The following PCDH7 variants were observed in gnomAD, a reference collection of about 807,000 sequenced individuals.
PCDH7 encodes the protein protocadherin 7.
Under a neutral mutation model 58.9 loss-of-function variants are expected in PCDH7, and 17 were observed. That is an observed-to-expected ratio of 0.29 (90% CI 0.20 to 0.43). PCDH7 has a LOEUF of 0.43. PCDH7 is among the 20% of genes least tolerant of loss of function. The probability of loss-of-function intolerance (pLI) is 1.00; values close to 1 mark genes in which losing one functional copy is unlikely to be tolerated. For synonymous variants in PCDH7, 664 were observed against 616.4 expected, an observed-to-expected ratio of 1.08 and a Z score of -1.14; for missense variants, 1,274 against 1,441.0, an observed-to-expected ratio of 0.88 and a Z score of 1.88.
At chr4:30,803,760 T>C (rs1193289010) in intron 1 of PCDH7, among the ~76,000 whole-genome samples, 2 of 152,196 alleles carry the variant, frequency 1.3e-5, no homozygotes, top group Admixed American at 1.3e-4. Context: ...ACTGATGTAG[T>C]ACTGTGGATG....
At chr4:30,819,574 C>T (rs533791186) in intron 1 of PCDH7, among the ~76,000 whole-genome samples, 1 of 152,172 alleles carries the variant, frequency 6.6e-6, no homozygotes, top group South Asian at 2.1e-4. Context: ...AATGATTCAT[C>T]TTCAGATTGT....
At chr4:30,743,124 G>A (rs1717298186) in intron 1 of PCDH7, among the ~76,000 whole-genome samples, 1 of 151,792 alleles carries the variant, frequency 6.6e-6, no homozygotes, top group Non-Finnish European at 1.5e-5. Flanking sequence ...AAGATGGTGG[G>A]AAATATAAAC....
chr4:31,072,601 G>T (rs966381536), intron 3 of PCDH7, among the ~76,000 whole-genome samples: 1 of 152,074 alleles, frequency 6.6e-6, no homozygotes, highest in African/African-American at 2.4e-5. Context: ...GTGGAAGGGG[G>T]CAACTTTAAG....
intron 3 of PCDH7, among the ~76,000 whole-genome samples, chr4:31,114,493 A>T (rs1716743467): frequency 1.3e-5 from 2 of 152,160 alleles, no homozygotes; most frequent in African/African-American, 4.8e-5. Flanking sequence ...ATCTGCATTC[A>T]AAATACTTTT....
rs1391968080 is a variant in PCDH7 at position 30,901,325 on chromosome 4, A to T, written c.71-18828A>T. ...GAGAGAGGAATAAGTATATATACCA[A>T]TCCTACTTAGTTTATAAATCATATG... On this transcript the variant is annotated intron_variant, in intron 1 of 3. Transcript: ENST00000509759. 2.0e-5 allele frequency among the ~76,000 whole-genome samples: 3 copies of T among 152,244 alleles called. No homozygotes were observed. The East Asian group carries it at 5.8e-4, about 29-fold the overall frequency.
chr4:30,880,247 G>T (rs1195465456), intron 1 of PCDH7, among the ~76,000 whole-genome samples: 1 of 150,968 alleles, frequency 6.6e-6, no homozygotes, highest in Non-Finnish European at 1.5e-5. Flanking sequence ...AGGTGTAAGT[G>T]GTCATTATCC....
intron 3 of PCDH7, among the ~76,000 whole-genome samples, chr4:31,115,092 A>T (rs1716833974): frequency 6.6e-6 from 1 of 152,068 alleles, no homozygotes; most frequent in African/African-American, 2.4e-5. Flanking sequence ...TCCCTCCTCC[A>T]CTTTCGCTTA....
At chr4:30,771,444 A>T (rs1367383747) in intron 1 of PCDH7, among the ~76,000 whole-genome samples, 1 of 152,194 alleles carries the variant, frequency 6.6e-6, no homozygotes, top group Non-Finnish European at 1.5e-5. Flanking sequence ...TCTGGGTACC[A>T]TAATGCAGTC....
At chr4:31,016,726 C>G (rs77104428) in intron 3 of PCDH7, among the ~76,000 whole-genome samples, 236 of 152,210 alleles carry the variant, frequency 1.6e-3, no homozygotes, top group African/African-American at 5.4e-3. Flanking sequence ...TGAAAAGACT[C>G]TTACATGAGC....
At chr4:30,814,478 G>C (rs1325042261) in intron 1 of PCDH7, among the ~76,000 whole-genome samples, 1 of 151,852 alleles carries the variant, frequency 6.6e-6, no homozygotes, top group Non-Finnish European at 1.5e-5. Context: ...ATGCAGTATT[G>C]CCTCTTTTAT....
intron 3 of PCDH7, among the ~76,000 whole-genome samples, chr4:31,056,146 A>C (rs1757144940): frequency 6.6e-6 from 1 of 151,956 alleles, no homozygotes; most frequent in African/African-American, 2.4e-5. Flanking sequence ...AGGCAGAAGG[A>C]TCATTTGAGC....
intron 3 of PCDH7, among the ~76,000 whole-genome samples, chr4:31,126,127 T>C (rs1471269994): frequency 9.8e-6 from 1 of 101,716 alleles, no homozygotes; most frequent in Non-Finnish European, 1.9e-5. Flanking sequence ...ATATCCTTTC[T>C]TTTTTTTTTT....
At chr4:30,769,578 T>C (rs1721150586) in intron 1 of PCDH7, among the ~76,000 whole-genome samples, 1 of 152,220 alleles carries the variant, frequency 6.6e-6, no homozygotes, top group Non-Finnish European at 1.5e-5. Context: ...GTTACTGTTT[T>C]AAGATACACT....
At chr4:31,106,934 T>A (rs1326490385) in intron 3 of PCDH7, among the ~76,000 whole-genome samples, 3 of 152,244 alleles carry the variant, frequency 2.0e-5, no homozygotes, top group Non-Finnish European at 4.4e-5. Flanking sequence ...TAATCCATTA[T>A]GGTTTTCTAA....
At chr4:31,016,396 CTTT>C (rs35635325) in intron 3 of PCDH7, among the ~76,000 whole-genome samples, 6 of 128,006 alleles carry the variant, frequency 4.7e-5, no homozygotes, top group Admixed American at 7.9e-5. Flanking sequence ...AAAGACAGAT[CTTT>C]TTTTTTTTTT....
intron 1 of PCDH7, among the ~76,000 whole-genome samples, chr4:30,862,404 A>G (rs1734318988): frequency 6.6e-6 from 1 of 152,162 alleles, no homozygotes; most frequent in Non-Finnish European, 1.5e-5. Context: ...GTCTACATCC[A>G]CAATGTAGAA....
chr4:30,944,505 A>G (rs1262704658), intron 2 of PCDH7, among the ~76,000 whole-genome samples: 1 of 152,174 alleles, frequency 6.6e-6, no homozygotes, highest in Non-Finnish European at 1.5e-5. Context: ...AGGAGGCTTG[A>G]AAACCAAACA....
At chr4:31,104,394 C>G (rs536749493) in intron 3 of PCDH7, among the ~76,000 whole-genome samples, 1 of 152,154 alleles carries the variant, frequency 6.6e-6, no homozygotes, top group African/African-American at 2.4e-5. Context: ...CTCATACGCA[C>G]CCCTTCTCTC....
At chr4:31,131,446 G>A (rs917141437) in intron 3 of PCDH7, among the ~76,000 whole-genome samples, 1 of 152,010 alleles carries the variant, frequency 6.6e-6, no homozygotes, top group Non-Finnish European at 1.5e-5. Context: ...TCCTAATTGT[G>A]ATTGCCAATT....
Sources: gnomAD v4.1 joint callset for allele counts (sites outside exome capture counted in the v4.1 genomes callset) on GRCh38, gnomAD v4.1.1 for gene constraint, MANE v1.5 for transcripts, NCBI Gene and HGNC (gene_info 2026-07-23, HGNC 2026-07-21) for gene names.